The following SGCD variants were observed in gnomAD, a reference collection of about 807,000 sequenced individuals.
SGCD encodes delta-sarcoglycan.
Under a neutral mutation model 36.6 loss-of-function variants are expected in SGCD, and 18 were observed. The ratio of observed to expected loss-of-function variants is 0.49; its 90% CI spans 0.34 to 0.73. The LOEUF is 0.73. SGCD is among the 30% of genes least tolerant of loss of function. The probability of loss-of-function intolerance (pLI) is 0.01; values close to 1 mark genes in which losing one functional copy is unlikely to be tolerated. For missense variants in SGCD, 387 were observed against 346.7 expected (o/e 1.12, Z -0.92); for synonymous variants, 133 against 130.6 (o/e 1.02, Z -0.12).
chr5:156,743,061 T>C (rs904072865), intron 7 of SGCD, among the ~76,000 whole-genome samples: 16 of 151,718 alleles, frequency 1.1e-4, no homozygotes, highest in African/African-American at 3.9e-4. Flanking sequence ...CACCAATCCA[T>C]TTAAAATCCT....
At chr5:155,999,993 G>A (rs1200344597) in intron 1 of SGCD, among the ~76,000 whole-genome samples, 1 of 152,310 alleles carries the variant, frequency 6.6e-6, no homozygotes, top group East Asian at 1.9e-4. Context: ...TCTTCATAAT[G>A]ATTTGAAAGG....
intron 3 of SGCD, among the ~76,000 whole-genome samples, chr5:156,282,194 G>C (rs192723673): frequency 1.3e-4 from 20 of 152,194 alleles, no homozygotes; most frequent in Admixed American, 3.3e-4. Context: ...GACACCAAAG[G>C]GTTCTCCAAG....
At chr5:156,278,113 A>G (rs1041874583) in intron 3 of SGCD, among the ~76,000 whole-genome samples, 1 of 152,154 alleles carries the variant, frequency 6.6e-6, no homozygotes, top group Admixed American at 6.6e-5. Flanking sequence ...TGTGGAAATA[A>G]GAACATTTTG....
chr5:156,292,174 T>C (rs1055082270), intron 3 of SGCD, among the ~76,000 whole-genome samples: 1 of 152,108 alleles, frequency 6.6e-6, no homozygotes, highest in Non-Finnish European at 1.5e-5. Flanking sequence ...GTACACTTCA[T>C]TGATATTAAG....
chr5:156,270,384 GC>G (rs1439220859), intron 3 of SGCD, among the ~76,000 whole-genome samples: 1 of 151,966 alleles, frequency 6.6e-6, no homozygotes, highest in Non-Finnish European at 1.5e-5. Context: ...TTTAAGATAG[GC>G]TTTTGTTTCT....
At chr5:156,594,073 G>T (rs1021384591) in intron 5 of SGCD, among the ~76,000 whole-genome samples, 1 of 152,094 alleles carries the variant, frequency 6.6e-6, no homozygotes, top group African/African-American at 2.4e-5. Context: ...TAGGTATTCA[G>T]GTAGATCCAG....
chr5:156,073,613 A>C (rs901636013), intron 1 of SGCD, among the ~76,000 whole-genome samples: 1 of 152,194 alleles, frequency 6.6e-6, no homozygotes, highest in Non-Finnish European at 1.5e-5. Flanking sequence ...TCTATTTTCT[A>C]TTCGTGTACA....
chr5:156,040,130 G>A (rs1211196420), intron 1 of SGCD, among the ~76,000 whole-genome samples: 3 of 152,160 alleles, frequency 2.0e-5, no homozygotes, highest in South Asian at 2.1e-4. Flanking sequence ...AGAGGTAAGC[G>A]CTGTATAAAT....
chr5:156,534,643 T>C (rs1360355841), intron 4 of SGCD, among the ~76,000 whole-genome samples: 1 of 152,180 alleles, frequency 6.6e-6, no homozygotes, highest in Non-Finnish European at 1.5e-5. Flanking sequence ...GCAAAGTACA[T>C]GTAATTTAAA....
At chr5:156,163,273 G>A (rs544538982) in intron 3 of SGCD, among the ~76,000 whole-genome samples, 4 of 151,580 alleles carry the variant, frequency 2.6e-5, no homozygotes, top group African/African-American at 9.8e-5. Flanking sequence ...CTCACCACTT[G>A]TGTATGCAAA....
At chr5:156,448,114 C>T (rs9313932) in intron 3 of SGCD, among the ~76,000 whole-genome samples, 3,104 of 152,214 alleles carry the variant, frequency 0.02, 115 homozygotes, top group African/African-American at 0.07. Flanking sequence ...CTACATCCTC[C>T]TCTCAAGTCA....
At chr5:156,541,063 C>A (rs1758330506) in intron 4 of SGCD, among the ~76,000 whole-genome samples, 1 of 152,036 alleles carries the variant, frequency 6.6e-6, no homozygotes, top group Non-Finnish European at 1.5e-5. Flanking sequence ...CAGAAGCTAG[C>A]CATGGCAAGA....
intron 3 of SGCD, among the ~76,000 whole-genome samples, chr5:156,230,213 G>A (rs1764981152): frequency 6.6e-6 from 1 of 152,084 alleles, no homozygotes; most frequent in Non-Finnish European, 1.5e-5. Context: ...TGGATCCATT[G>A]CTGGTGAGCT....
intron 3 of SGCD, among the ~76,000 whole-genome samples, chr5:156,444,022 G>A (rs1417661525): frequency 2.0e-5 from 3 of 147,722 alleles, no homozygotes; most frequent in Non-Finnish European, 4.4e-5. Context: ...GATACTTGCT[G>A]ATTTTGGACA....
rs143266769 is a variant in SGCD at position 156,180,556 on chromosome 5, A to G, written c.-44+56537A>G. Among the ~76,000 whole-genome samples the G allele has an allele frequency of 9.9e-4, 151 of 152,324 alleles. 2 individuals carry two copies. In the East Asian group the frequency reaches 0.025, roughly 25 times the overall value. On this transcript the variant is annotated intron_variant, in intron 3 of 9. Coordinates refer to the SGCD transcript ENST00000517913. ...TAAGAAAATGAAAATTTAAAATATC[A>G]TTTATAATAATGGAGGGGCCAGGGG...
chr5:156,255,231 A>G (rs1388686145), intron 3 of SGCD, among the ~76,000 whole-genome samples: 1 of 152,224 alleles, frequency 6.6e-6, no homozygotes, highest in Admixed American at 6.5e-5. Context: ...TGGATAAGTG[A>G]TACTTAATCT....
chr5:156,111,400 G>A (rs186658350), intron 1 of SGCD, among the ~76,000 whole-genome samples: 1 of 152,278 alleles, frequency 6.6e-6, no homozygotes, highest in East Asian at 1.9e-4. Flanking sequence ...CATTCTAAGG[G>A]CAGTGGGAAG....
At chr5:155,822,785 G>A in the SGCD span, among the ~76,000 whole-genome samples, 1 of 152,318 alleles carries the variant, frequency 6.6e-6, no homozygotes, top group African/African-American at 2.4e-5. Context: ...CTAAATATTA[G>A]TTAATCCAAG....
the SGCD span, among the ~76,000 whole-genome samples, chr5:155,855,417 C>G: frequency 6.6e-6 from 1 of 152,136 alleles, no homozygotes; most frequent in Admixed American, 6.6e-5. Context: ...CATTTACCTA[C>G]CCCCTTCCAG....
Sources: allele counts gnomAD v4.1 joint callset (sites outside exome capture counted in the v4.1 genomes callset), GRCh38; gene constraint gnomAD v4.1.1; transcripts MANE v1.5; gene names NCBI Gene and HGNC (gene_info 2026-07-23, HGNC 2026-07-21).